The following NUP160 variants were observed in gnomAD, a reference collection of about 807,000 sequenced individuals.
The protein encoded by NUP160 is nuclear pore complex protein Nup160.
A neutral mutation model predicts 196.9 loss-of-function variants in NUP160; 94 were observed. The observed-to-expected ratio is 0.48, with a 90% CI of 0.40 to 0.57. The LOEUF is 0.57. NUP160 is among the 20% of genes least tolerant of loss of function. The probability of loss-of-function intolerance (pLI) is 0.00; values close to 1 mark genes in which losing one functional copy is unlikely to be tolerated. For missense variants in NUP160, 1,638 were observed against 1,748.3 expected (o/e 0.94, Z 1.13); for synonymous variants, 605 against 619.7 (o/e 0.98, Z 0.35).
intron 9 of NUP160, 62 bp from the exon 10 acceptor site, chr11:47,819,520 G>T: frequency 8.3e-7 from 1 of 1,199,886 alleles, no homozygotes; most frequent in Non-Finnish European, 1.2e-6. Context: ...AATGTATGCT[G>T]TTGGCAGTAT....
chr11:47,815,551 A>G, exon 13 of NUP160: 1 of 1,613,208 alleles, frequency 6.2e-7, no homozygotes, highest in Non-Finnish European at 8.5e-7. Flanking sequence ...GGGCTTCTTG[A>G]TACTGAAGAC....
intron 7 of NUP160, among the ~76,000 whole-genome samples, chr11:47,833,585 T>C (rs1852115946): frequency 6.6e-6 from 1 of 152,226 alleles, no homozygotes; most frequent in Non-Finnish European, 1.5e-5. Context: ...TCGTATCCAC[T>C]AACATGAACT....
intron 23 of NUP160, among the ~76,000 whole-genome samples, chr11:47,800,199 A>G (rs761711406): frequency 7.3e-5 from 11 of 151,196 alleles, no homozygotes; most frequent in Non-Finnish European, 1.3e-4. Context: ...GGTTGCAGTG[A>G]GCCCAGATCG....
intron 34 of NUP160, 64 bp from the exon 35 acceptor site, chr11:47,780,511 T>C: frequency 1.9e-6 from 2 of 1,056,742 alleles, no homozygotes; most frequent in Admixed American, 1.8e-5. Flanking sequence ...GGGTAGTTGC[T>C]TTCATAGGAC....
chr11:47,796,423 T>C, intron 27 of NUP160: 1 of 327,206 alleles, frequency 3.1e-6, no homozygotes, highest in East Asian at 4.5e-5. Flanking sequence ...CTGATGACAT[T>C]AAAAAAATCA....
chr11:47,802,089 T>G (rs1414430947), intron 22 of NUP160, among the ~76,000 whole-genome samples, 159 bp from the exon 23 acceptor site: 2 of 152,232 alleles, frequency 1.3e-5, no homozygotes, highest in African/African-American at 4.8e-5. Context: ...TTCTATGTGA[T>G]GCATTCATAT....
rs1357741489 is a variant in NUP160 at position 47,780,449 on chromosome 11, T to C, written c.4117-2A>G. 2 of 1,599,312 alleles carry C rather than the reference T, an allele frequency of 1.3e-6. No homozygotes were observed. Among genetic ancestry groups the C allele is most frequent in the Non-Finnish European group, 1.7e-6 (2 of 1,166,938 alleles). On this transcript the variant is annotated splice_acceptor_variant, in intron 34 of 35. Coordinates refer to ENST00000378460, the Ensembl canonical transcript of NUP160. LOFTEE classifies it high-confidence loss of function. ...TGGGGCTGTTGCGGACAGTGGAAAC[T>C]AAAAGGAAAATGTTTATTTGAAAAC...
chr11:47,812,572 C>T (rs2097681788), intron 15 of NUP160, 143 bp from the exon 16 acceptor site: 2 of 802,626 alleles, frequency 2.5e-6, no homozygotes, highest in South Asian at 1.9e-5. Flanking sequence ...AGATACAGTC[C>T]CTATGCATAG....
rs1159840524 is a variant in NUP160 at position 47,783,216 on chromosome 11, TTAAGAA to T, written c.3991-24_3991-19del. The T allele has an allele frequency of 1.2e-6, 2 of 1,611,794 alleles. No individual in the cohort carries two copies. Among genetic ancestry groups the T allele is most frequent in the East Asian group, 2.2e-5 (1 of 44,800 alleles). On this transcript the variant is annotated intron_variant, in intron 33 of 35. Transcript: ENST00000378460. ...TCAACCTTCTGTGAAAAGTCAGTGA[TTAAGAA>T]TATGTACCTATTTCCCTCCTACTTG... is the stretch of plus-strand genomic sequence containing the variant.
exon 36 of NUP160, chr11:47,779,042 T>C (rs776630793): frequency 8.5e-7 from 1 of 1,178,948 alleles, no homozygotes; most frequent in Admixed American, 1.7e-5. Flanking sequence ...ACAGGGTTCC[T>C]GTAGGGTAGT....
At position 47,793,732 on chromosome 11, in the gene NUP160, T is replaced by G. The variant is rs1269791754; in HGVS notation, c.3290-786A>C. 1.3e-3 allele frequency among the ~76,000 whole-genome samples: 174 copies of G among 131,530 alleles called. 1 individual carries two copies. Among genetic ancestry groups the G allele is most frequent in the South Asian group, 2.1e-3 (8 of 3,858 alleles). The allele number at this position is 131,530 out of a possible 152,430, so 86.3% of individuals were successfully genotyped here. ...ATCTGTAAGATATCTGTTTTTTTTT[T>G]TTTTTTTTTTTTTTTTTTTTTTTTT... On this transcript the variant is annotated intron_variant, in intron 27 of 35. Coordinates refer to ENST00000378460, the Ensembl canonical transcript of NUP160.
rs1225293526 is a variant in NUP160, at chr11:47,782,304, ATATATATATATATATAT to A, written c.4116+752_4116+768del. On this transcript the variant is annotated intron_variant, in intron 34 of 35. Transcript: ENST00000378460. ...AAAACTCAGTTAAAAAAAAAAAAAA[ATATATATATATATATAT>A]ATATATATATATATATATATATATA... Among the ~76,000 whole-genome samples, 180 of 52,154 alleles carry A rather than the reference ATATATATATATATATAT, an allele frequency of 3.5e-3. 34 individuals are homozygous for A. The highest frequency in any genetic ancestry group is 0.011 in the African/African-American group (153 of 13,596). 34.2% of individuals were successfully genotyped at this position (52,154 alleles called of 152,430 possible). A position where few individuals can be genotyped will look rare whatever the true frequency, so the allele number is the denominator to read the frequency against.
chr11:47,812,466 G>C (rs752120328), intron 15 of NUP160, 37 bp from the exon 16 acceptor site: 1 of 1,590,826 alleles, frequency 6.3e-7, no homozygotes, highest in East Asian at 2.2e-5. Context: ...TTACTACCGA[G>C]AATACGTAAG....
Position 47,808,592 on chromosome 11 carries a change from C to T in NUP160, c.2242-63G>A, listed in dbSNP as rs974882026. 66 of 1,361,024 alleles carry T rather than the reference C, an allele frequency of 4.8e-5. 1 individual carries two copies. Among genetic ancestry groups the T allele is most frequent in the Admixed American group, 2.1e-4 (11 of 52,652 alleles). The allele number at this position is 1,361,024 out of a possible 1,614,324, so 84.3% of individuals were successfully genotyped here. On this transcript the variant is annotated intron_variant, in intron 17 of 35. Coordinates refer to ENST00000378460, the Ensembl canonical transcript of NUP160. The stretch of plus-strand genomic sequence containing the variant: ...TAGCAATTAGTAATGGTAACTCTTA[C>T]GGCTCAGGTGGAGGTAAAATAAAAT...
chr11:47,804,219 T>C (rs578014819), intron 21 of NUP160: 3 of 196,288 alleles, frequency 1.5e-5, no homozygotes, highest in South Asian at 3.6e-4. Flanking sequence ...AAAATCACGT[T>C]AGGAATTATA....
intron 18 of NUP160, among the ~76,000 whole-genome samples, 190 bp downstream of exon 18, chr11:47,808,206 G>T (rs998627474): frequency 1.3e-5 from 2 of 152,140 alleles, no homozygotes; most frequent in Non-Finnish European, 2.9e-5. Context: ...ACTTGAACCT[G>T]GGAGGCGGAG....
chr11:47,848,337 A>T (rs747177631), exon 1 of NUP160: 10 of 1,613,172 alleles, frequency 6.2e-6, no homozygotes, highest in Admixed American at 5.0e-5. Flanking sequence ...CGTCGCCGCG[A>T]CGCCCAACGG....
At chr11:47,814,841 G>C (rs2097683398) in intron 13 of NUP160, among the ~76,000 whole-genome samples, 1 of 152,150 alleles carries the variant, frequency 6.6e-6, no homozygotes, top group African/African-American at 2.4e-5. Flanking sequence ...AAAAGCATAT[G>C]GAAGTTAACA....
chr11:47,834,910 T>C (rs1022115284), intron 7 of NUP160, among the ~76,000 whole-genome samples: 2 of 151,932 alleles, frequency 1.3e-5, no homozygotes, highest in African/African-American at 4.8e-5. Flanking sequence ...AGGAGGTCCA[T>C]TGCATGGGGG....
Sources: gnomAD v4.1 joint callset for allele counts (sites outside exome capture counted in the v4.1 genomes callset) on GRCh38, gnomAD v4.1.1 for gene constraint, MANE v1.5 for transcripts, NCBI Gene and HGNC (gene_info 2026-07-23, HGNC 2026-07-21) for gene names.